The following TPO variants were observed in gnomAD, a reference collection of about 807,000 sequenced individuals.
TPO encodes thyroid microsomal antigen.
Under a neutral mutation model 96.9 loss-of-function variants are expected in TPO, and 78 were observed. That is an observed-to-expected ratio of 0.81 (90% CI 0.67 to 0.97). The LOEUF (loss-of-function observed/expected upper bound fraction) is 0.97. TPO is among the 50% of genes least tolerant of loss of function. The pLI is 0.00. For synonymous variants in TPO, 547 were observed against 538.0 expected, an observed-to-expected ratio of 1.02 and a Z score of -0.23; for missense variants, 1,252 against 1,274.8, an observed-to-expected ratio of 0.98 and a Z score of 0.27.
At chr2:1,438,820 A>G in intron 5 of TPO, 1 of 716,486 alleles carries the variant, frequency 1.4e-6, no homozygotes, top group Non-Finnish European at 2.6e-6. Flanking sequence ...TTAAAGAAAA[A>G]TGAAATATAA....
At chr2:1,503,815 C>A (rs750374383) in intron 13 of TPO, 133 bp from the exon 14 acceptor site, 93 of 1,552,354 alleles carry the variant, frequency 6.0e-5, no homozygotes, top group Middle Eastern at 3.3e-4. Flanking sequence ...GGCCGGTTCC[C>A]CCTAGACCAG....
chr2:1,500,262 A>G (rs1418922137), intron 13 of TPO, among the ~76,000 whole-genome samples: 1 of 152,252 alleles, frequency 6.6e-6, no homozygotes. Context: ...AGATGGGGAC[A>G]GGTAGGAGAG....
intron 13 of TPO, among the ~76,000 whole-genome samples, chr2:1,499,112 A>T (rs1672629505): frequency 6.6e-6 from 1 of 152,122 alleles, no homozygotes; most frequent in Admixed American, 6.5e-5. Context: ...AGGCATCTTC[A>T]AGGTGCAAAT....
Position 1,464,359 on chromosome 2 carries a change from G to A in TPO, c.819+8077G>A, listed in dbSNP as rs148478870. On this transcript the variant is annotated intron_variant, in intron 7 of 16. Coordinates refer to ENST00000329066, the MANE Select transcript of TPO (RefSeq NM_001206744.2). ...TTGTGAATTGTGCGGCTATAAACAC[G>A]GATGTGCCAATGCATTTTTCGTATA... is the stretch of plus-strand genomic sequence containing the variant. 1.7e-3 allele frequency among the ~76,000 whole-genome samples: 264 copies of A among 152,268 alleles called. 1 individual carries two copies. Among genetic ancestry groups the A allele is most frequent in the African/African-American group, 6.2e-3 (258 of 41,556 alleles).
At chr2:1,444,076 G>A (rs1188291626) in intron 5 of TPO, among the ~76,000 whole-genome samples, 1 of 144,344 alleles carries the variant, frequency 6.9e-6, no homozygotes, top group Non-Finnish European at 1.5e-5. Flanking sequence ...CATTGCTGCG[G>A]GAGGCACCAT....
intron 7 of TPO, among the ~76,000 whole-genome samples, chr2:1,458,771 T>C (rs879636361): frequency 2.0e-5 from 3 of 152,238 alleles, no homozygotes; most frequent in Non-Finnish European, 2.9e-5. Flanking sequence ...ACATGTCTGC[T>C]TAACATTAAG....
intron 6 of TPO, among the ~76,000 whole-genome samples, chr2:1,454,067 C>T (rs990802511): frequency 6.6e-6 from 1 of 152,128 alleles, no homozygotes; most frequent in African/African-American, 2.4e-5. Context: ...TTTTCTCAAC[C>T]CTAACGTTTC....
intron 13 of TPO, among the ~76,000 whole-genome samples, chr2:1,501,502 T>G (rs533218321): frequency 6.6e-6 from 1 of 152,304 alleles, no homozygotes; most frequent in East Asian, 1.9e-4. Flanking sequence ...AAACTGACCG[T>G]GGGTGGAGCG....
intron 14 of TPO, among the ~76,000 whole-genome samples, chr2:1,509,047 A>G (rs533340866): frequency 6.6e-6 from 1 of 152,258 alleles, no homozygotes; most frequent in East Asian, 1.9e-4. Flanking sequence ...CCCTCTACAC[A>G]CTGCTTTGAA....
chr2:1,531,310 CCCAACTGTGTTCAACCTCCCCAAATCCCT>C (rs1489374370), intron 15 of TPO, among the ~76,000 whole-genome samples: 2 of 123,136 alleles, frequency 1.6e-5, no homozygotes, highest in Non-Finnish European at 3.5e-5. Flanking sequence ...CCCTAAATCC[CCCAACTGTGTTCAACCTCCCCAAATCCCT>C]CCCACTGTGT....
chr2:1,386,581 C>T (rs7426345), intron 1 of TPO, among the ~76,000 whole-genome samples: 2,889 of 152,138 alleles, frequency 0.019, 69 homozygotes, highest in South Asian at 0.12. Context: ...TTCCTCCGTC[C>T]CTTTATTTTG....
At chr2:1,490,593 C>G (rs1052828493) in intron 10 of TPO, among the ~76,000 whole-genome samples, 2 of 152,158 alleles carry the variant, frequency 1.3e-5, no homozygotes. Flanking sequence ...CGTAGAAGGC[C>G]GGACTGCGAT....
In TPO at chr2:1,468,174, A is replaced by G. The variant is rs1326370103; in HGVS notation, c.820-8912A>G. ...ATCTTTTAGGTGGAGCATTTAGACCATTTACATTCAATGTTAGTACTGAGA... is the reference window on the plus strand; with the variant it reads ...ATCTTTTAGGTGGAGCATTTAGACCGTTTACATTCAATGTTAGTACTGAGA... On this transcript the variant is annotated intron_variant, in intron 7 of 16. Coordinates refer to ENST00000329066, the MANE Select transcript of TPO (RefSeq NM_001206744.2). Among the ~76,000 whole-genome samples the G allele has an allele frequency of 2.6e-5, 4 of 151,976 alleles. No homozygotes were observed. In the East Asian group the frequency reaches 7.8e-4, roughly 30 times the overall value.
At chr2:1,394,935 C>A (rs1388934624) in intron 1 of TPO, among the ~76,000 whole-genome samples, 2 of 152,054 alleles carry the variant, frequency 1.3e-5, no homozygotes, top group East Asian at 3.9e-4. Context: ...CCGCGCAGGG[C>A]CTCTTCTGAC....
intron 15 of TPO, among the ~76,000 whole-genome samples, chr2:1,536,600 A>C (rs1573650465): frequency 2.8e-5 from 1 of 36,112 alleles, no homozygotes; most frequent in African/African-American, 1.4e-4. Flanking sequence ...CACTGTGTGC[A>C]TTCTCCTCAA....
intron 5 of TPO, 142 bp downstream of exon 5, chr2:1,436,526 C>T (rs1039740879): frequency 2.3e-6 from 3 of 1,296,768 alleles, no homozygotes; most frequent in Non-Finnish European, 3.2e-6. Context: ...GCCTCCCCGA[C>T]ATGGCCTCCT....
intron 8 of TPO, among the ~76,000 whole-genome samples, chr2:1,478,619 G>A (rs1004199772): frequency 3.3e-4 from 50 of 152,378 alleles, no homozygotes; most frequent in South Asian, 8.3e-4. Flanking sequence ...GTGGCGAGGG[G>A]ACCTGGAGCT....
At position 1,542,659 on chromosome 2, in the gene TPO, CCTTTT is replaced by C; in HGVS notation, c.*189_*193del. 3.9e-6 allele frequency: 6 copies of C among 1,521,226 alleles called. No homozygotes were observed. Among genetic ancestry groups the C allele is most frequent in the Non-Finnish European group, 5.3e-6 (6 of 1,124,534 alleles). 94.2% of individuals were successfully genotyped at this position (1,521,226 alleles called of 1,614,324 possible). On this transcript the variant is annotated 3_prime_UTR_variant, in exon 17 of 17. Coordinates refer to ENST00000329066, the MANE Select transcript of TPO (RefSeq NM_001206744.2). ...AAATGTTATAGCTGCATTTGTCTGG[CCTTTT>C]CTTGTAAACATTGCCTGATTTGTTC...
chr2:1,385,707 AT>A (rs1661883192), intron 1 of TPO, among the ~76,000 whole-genome samples: 1 of 149,616 alleles, frequency 6.7e-6, no homozygotes, highest in African/African-American at 2.4e-5. Context: ...TTGTGTCTCT[AT>A]CTACTTCAGT....
Sources: gnomAD v4.1 joint callset for allele counts (sites outside exome capture counted in the v4.1 genomes callset) on GRCh38, gnomAD v4.1.1 for gene constraint, MANE v1.5 for transcripts, NCBI Gene and HGNC (gene_info 2026-07-23, HGNC 2026-07-21) for gene names.